DCAF6: variants seen among roughly 807,000 people sequenced by gnomAD.
DCAF6 encodes the protein DDB1- and CUL4-associated factor 6.
In DCAF6, 54 loss-of-function variants were observed where a neutral mutation model predicts 125.1. The ratio of observed to expected loss-of-function variants is 0.43; its 90% CI spans 0.35 to 0.54. The LOEUF is 0.54. Among genes scored for constraint, DCAF6 ranks in the 20% least tolerant of loss-of-function variants. The pLI, the probability that DCAF6 is intolerant of heterozygous loss-of-function variation, is 0.01. For synonymous variants in DCAF6, 371 were observed against 390.4 expected, an observed-to-expected ratio of 0.95 and a Z score of 0.58; for missense variants, 934 against 1,161.7, an observed-to-expected ratio of 0.80 and a Z score of 2.85.
intron 17 of DCAF6, among the ~76,000 whole-genome samples, chr1:168,053,280 G>C (rs1402296346): frequency 6.6e-6 from 1 of 152,080 alleles, no homozygotes; most frequent in East Asian, 1.9e-4. Context: ...TTTAAGGACA[G>C]TGTAATACAT....
intron 11 of DCAF6, chr1:168,019,486 A>G (rs1320455164): frequency 2.3e-5 from 10 of 439,790 alleles, no homozygotes; most frequent in Non-Finnish European, 4.6e-5. Flanking sequence ...CTAAACAGGT[A>G]TGGCAGAGGC....
intron 11 of DCAF6, chr1:168,019,767 A>G (rs1347249080): frequency 5.5e-6 from 1 of 181,188 alleles, no homozygotes; most frequent in Non-Finnish European, 1.2e-5. Context: ...TTATTTTTGA[A>G]AAAGGGCTTT....
At chr1:167,890,890 G>A in the DCAF6 span, among the ~76,000 whole-genome samples, 1 of 152,122 alleles carries the variant, frequency 6.6e-6, no homozygotes, top group Non-Finnish European at 1.5e-5. Context: ...GCTTTCCCAA[G>A]GTCACATAAG....
the DCAF6 span, among the ~76,000 whole-genome samples, chr1:167,881,086 T>A: frequency 6.6e-6 from 1 of 152,210 alleles, no homozygotes; most frequent in African/African-American, 2.4e-5. Context: ...TGCTGAGATG[T>A]TTTTGGCTAC....
At position 168,063,724 on chromosome 1, in the gene DCAF6, A is replaced by T; in HGVS notation, c.2404A>T (p.Met802Leu). ...GAACATTAGAAGGCCGCTAGTAAAA[A>T]TGGTTTATAAAGGCCATCGCAACTC... ...TLNIRRPLVK[M>L]VYKGHRNSRT... is the part of the protein sequence containing the mutation. Residue 802 changes from methionine to leucine, a missense_variant, in exon 18 of 22, where the codon ATG becomes TTG. Met to Leu is a conservative substitution (Grantham distance 15). Coordinates refer to ENST00000367840, the MANE Select transcript of DCAF6 (RefSeq NM_001198956.2). The T allele has an allele frequency of 6.2e-7, 1 of 1,606,024 alleles. No individual in the cohort carries two copies. Among genetic ancestry groups the T allele is most frequent in the Non-Finnish European group, 8.5e-7 (1 of 1,177,300 alleles).
At chr1:167,920,494 A>G in the DCAF6 span, 26 of 1,575,970 alleles carry the variant, frequency 1.6e-5, no homozygotes, top group South Asian at 1.5e-4. Flanking sequence ...ATAAAAGAAA[A>G]CAAAAATCAT....
intron 7 of DCAF6, among the ~76,000 whole-genome samples, chr1:168,000,225 G>A (rs546760622): frequency 2.6e-5 from 4 of 152,154 alleles, no homozygotes; most frequent in East Asian, 1.9e-4. Flanking sequence ...ATATGGATGC[G>A]GTTTGTGGCT....
At chr1:167,964,687 G>A (rs1056785883) in intron 2 of DCAF6, among the ~76,000 whole-genome samples, 3 of 152,016 alleles carry the variant, frequency 2.0e-5, no homozygotes, top group Non-Finnish European at 4.4e-5. Context: ...TATGCCTTTT[G>A]TAGTTGTCCC....
At chr1:167,872,988 T>G in the DCAF6 span, among the ~76,000 whole-genome samples, 2 of 151,796 alleles carry the variant, frequency 1.3e-5, no homozygotes, top group Non-Finnish European at 2.9e-5. Context: ...AAGAATCGCT[T>G]GAACCCGGGA....
intron 21 of DCAF6, among the ~76,000 whole-genome samples, chr1:168,072,325 A>AAAAAAT (rs1693206428): frequency 9.9e-6 from 1 of 100,794 alleles, no homozygotes; most frequent in African/African-American, 3.5e-5. Context: ...AAAAAAAAAA[A>AAAAAAT]GAAAAGAAAA....
chr1:167,926,124 T>A, the DCAF6 span, among the ~76,000 whole-genome samples: 1 of 152,242 alleles, frequency 6.6e-6, no homozygotes, highest in African/African-American at 2.4e-5. Context: ...TGTTAAACTT[T>A]ATTTTCTCAC....
the DCAF6 span, among the ~76,000 whole-genome samples, chr1:167,928,024 A>G: frequency 6.6e-6 from 1 of 152,292 alleles, no homozygotes; most frequent in Admixed American, 6.5e-5. Context: ...TTTAATATCT[A>G]TAACTGCAAA....
chr1:167,948,483 C>T lies in DCAF6; in HGVS notation c.98-3317C>T, dbSNP rs142432852. On this transcript the variant is annotated intron_variant, in intron 1 of 21. Transcript: ENST00000367840. Reference sequence around the variant, plus strand: ...AAACCTAATCCAACATTTCTTGCCCCAACCATCTCTATAAGTAATAATTCT... The same window carrying T: ...AAACCTAATCCAACATTTCTTGCCCTAACCATCTCTATAAGTAATAATTCT... Among the ~76,000 whole-genome samples the T allele has an allele frequency of 1.2e-4, 18 of 152,262 alleles. No individual in the cohort carries two copies. In the East Asian group the frequency reaches 3.3e-3, roughly 28 times the overall value.
At chr1:167,936,406 C>T (rs988004398), upstream of DCAF6, 3 of 177,598 alleles carry the variant, frequency 1.7e-5, no homozygotes, top group Non-Finnish European at 2.4e-5. Context: ...ACTGGAGACT[C>T]GTGAGCGAGA....
At chr1:168,011,696 G>A (rs1684306311) in intron 10 of DCAF6, among the ~76,000 whole-genome samples, 2 of 152,154 alleles carry the variant, frequency 1.3e-5, no homozygotes, top group African/African-American at 4.8e-5. Context: ...CAAGTGGAGA[G>A]ACCAGGTGTG....
intron 1 of DCAF6, among the ~76,000 whole-genome samples, chr1:167,944,739 T>G (rs1672803645): frequency 6.6e-6 from 1 of 152,246 alleles, no homozygotes; most frequent in African/African-American, 2.4e-5. Flanking sequence ...AGATATTTTC[T>G]GTCATTCAAC....
rs544103840 is a variant in DCAF6, at chr1:168,016,057, G to C, written c.1549+106G>C. Reference sequence around the variant, plus strand: ...TCCCATTCAAAAAGAGAGCTAATGCGCTTGCAGCTTACCCCTCCTTTCCTT... The same window carrying C: ...TCCCATTCAAAAAGAGAGCTAATGCCCTTGCAGCTTACCCCTCCTTTCCTT... On this transcript the variant is annotated intron_variant, in intron 11 of 21. Coordinates refer to ENST00000367840, the MANE Select transcript of DCAF6 (RefSeq NM_001198956.2). The C allele has an allele frequency of 7.0e-6, 7 of 996,526 alleles. No homozygotes were observed. In the South Asian group the frequency reaches 2.8e-4, roughly 40 times the overall value. The allele number at this position is 996,526 out of a possible 1,614,324, so 61.7% of individuals were successfully genotyped here. A position where few individuals can be genotyped will look rare whatever the true frequency, so the allele number is the denominator to read the frequency against.
chr1:168,046,014 C>T (rs1689116981), intron 16 of DCAF6, among the ~76,000 whole-genome samples: 1 of 151,980 alleles, frequency 6.6e-6, no homozygotes, highest in South Asian at 2.1e-4. Context: ...ATTTTATATG[C>T]TCAATATATT....
intron 2 of DCAF6, among the ~76,000 whole-genome samples, chr1:167,961,670 G>C (rs1006779853): frequency 1.3e-5 from 2 of 152,020 alleles, no homozygotes; most frequent in African/African-American, 4.8e-5. Flanking sequence ...TACTGCATTA[G>C]CTAGGACTTA....
Sources: gnomAD v4.1 joint callset for allele counts (sites outside exome capture counted in the v4.1 genomes callset) on GRCh38, gnomAD v4.1.1 for gene constraint, MANE v1.5 for transcripts, NCBI Gene and HGNC (gene_info 2026-07-23, HGNC 2026-07-21) for gene names.